Variants in CUL1 observed in about 807,000 individuals in gnomAD.
CUL1 encodes the protein cullin 1, also known as cullin-1.
In CUL1, 24 loss-of-function variants were observed where a neutral mutation model predicts 118.0. The ratio of observed to expected loss-of-function variants is 0.20; its 90% CI spans 0.15 to 0.29. The LOEUF is 0.29. Ranked by LOEUF, CUL1 falls within the 10% of genes least tolerant of loss-of-function variation. The probability of loss-of-function intolerance (pLI) is 1.00; values close to 1 mark genes in which losing one functional copy is unlikely to be tolerated. For synonymous variants in CUL1, 332 were observed against 340.4 expected (o/e 0.98, Z 0.27); for missense variants, 361 against 933.8 (o/e 0.39, Z 7.99).
In CUL1 at chr7:148,732,719, G is replaced by C. The variant is rs150549608; in HGVS notation, c.140+2457G>C. Among the ~76,000 whole-genome samples the C allele has an allele frequency of 5.7e-3, 875 of 152,220 alleles. 8 individuals are homozygous for C. Among genetic ancestry groups the C allele is most frequent in the African/African-American group, 0.02 (834 of 41,546 alleles). On this transcript the variant is annotated intron_variant, in intron 2 of 21. Coordinates refer to ENST00000325222, the MANE Select transcript of CUL1 (RefSeq NM_003592.3). Reference sequence around the variant, plus strand: ...GTTATTTTTGCTCATAAGGCGGTGAGACTTTGTATGCTAGCAGAAGTTACT... The same window carrying C: ...GTTATTTTTGCTCATAAGGCGGTGACACTTTGTATGCTAGCAGAAGTTACT...
chr7:148,800,788 A>G lies in CUL1; in HGVS notation c.*206A>G, dbSNP rs368082292. The G allele has an allele frequency of 2.0e-5, 10 of 503,352 alleles. No homozygotes were observed. In the East Asian group the frequency reaches 2.5e-4, roughly 12 times the overall value. 31.2% of individuals were successfully genotyped at this position (503,352 alleles called of 1,614,324 possible). ...TTCAAGTCTGTAAATACGGACACCA[A>G]CGCCATTTACCCTAATTTAAGAACA... On this transcript the variant is annotated 3_prime_UTR_variant, in exon 22 of 22. Transcript: ENST00000325222. The surrounding 1 kb of genome is among the most constrained non-coding windows in gnomAD (Gnocchi z 4.6).
At chr7:148,771,612 C>A (rs1304167039) in intron 9 of CUL1, among the ~76,000 whole-genome samples, 1 of 152,156 alleles carries the variant, frequency 6.6e-6, no homozygotes, top group Non-Finnish European at 1.5e-5. Flanking sequence ...TGATCAAGGG[C>A]ATTTGTGCTC....
At chr7:148,781,971 G>A (rs1415806484) in intron 9 of CUL1, among the ~76,000 whole-genome samples, 1 of 152,174 alleles carries the variant, frequency 6.6e-6, no homozygotes, top group African/African-American at 2.4e-5. Context: ...TGGCAGTTGT[G>A]ACACGCAGTT....
At chr7:148,777,666 A>G (rs970460528) in intron 9 of CUL1, among the ~76,000 whole-genome samples, 3 of 152,122 alleles carry the variant, frequency 2.0e-5, no homozygotes, top group Non-Finnish European at 4.4e-5. Flanking sequence ...GTGCCCCTGA[A>G]ATCCAGGGGC....
intron 1 of CUL1, among the ~76,000 whole-genome samples, chr7:148,724,078 T>G (rs1798482742): frequency 6.6e-6 from 1 of 152,238 alleles, no homozygotes; most frequent in Non-Finnish European, 1.5e-5. Flanking sequence ...CTGTTGTAAG[T>G]GCTCTTTTTC....
intron 1 of CUL1, among the ~76,000 whole-genome samples, chr7:148,727,720 A>C (rs1486568300): frequency 6.6e-6 from 1 of 152,090 alleles, no homozygotes; most frequent in Non-Finnish European, 1.5e-5. Flanking sequence ...AGGCAGAAGC[A>C]GTAGCAGATG....
At position 148,725,219 on chromosome 7, in the gene CUL1, G is replaced by GCGCGCGCA; in HGVS notation, c.-161-4742_-161-4741insGCGCGCAC. 1.1e-4 allele frequency among the ~76,000 whole-genome samples: 15 copies of GCGCGCGCA among 140,148 alleles called. 1 individual carries two copies. Among genetic ancestry groups the GCGCGCGCA allele is most frequent in the Admixed American group, 5.6e-4 (8 of 14,190 alleles). 91.9% of individuals were successfully genotyped at this position (140,148 alleles called of 152,430 possible). On this transcript the variant is annotated intron_variant, in intron 1 of 21. Transcript: ENST00000325222. ...CGTGTACACACACACACACGCGCGCGCTCACACACACACACACACACACAC... is the reference window on the plus strand; with the variant it reads ...CGTGTACACACACACACACGCGCGCGCGCGCGCACTCACACACACACACACACACACAC...
At position 148,754,130 on chromosome 7, in the gene CUL1, T is replaced by C. The variant is rs1421172004; in HGVS notation, c.295T>C (p.Tyr99His). Residue 99 changes from tyrosine to histidine, a missense_variant, in exon 3 of 22, where the codon TAC (tyrosine) becomes CAC (histidine). Tyr to His is a moderately conservative substitution (Grantham distance 83). Transcript: ENST00000325222. ...ACGACTTAAGGAATTTTTGAAGAAT[T>C]ACTTGACAAATCTTCTTAAGGTAAG... ...YKRLKEFLKN[Y>H]LTNLLKDGED... 2 of 1,607,490 alleles carry C rather than the reference T, an allele frequency of 1.2e-6. No homozygotes were observed. The highest frequency in any genetic ancestry group is 1.7e-6 in the Non-Finnish European group (2 of 1,176,522).
intron 1 of CUL1, among the ~76,000 whole-genome samples, chr7:148,720,436 C>G (rs1485583308): frequency 6.6e-6 from 1 of 152,004 alleles, no homozygotes; most frequent in Non-Finnish European, 1.5e-5. Flanking sequence ...GGAATCAAAG[C>G]TGATGGGAAA....
rs1009184648 is a variant in CUL1, at chr7:148,783,555, A to G, written c.1084-228A>G. ...TAATGCAAGCTCGGAATCAATATTT[A>G]GTTTTGAGTGTGGAGAATAGATTGT... On this transcript the variant is annotated intron_variant, in intron 9 of 21. Coordinates refer to ENST00000325222, the MANE Select transcript of CUL1 (RefSeq NM_003592.3). The G allele has an allele frequency of 2.8e-6, 4 of 1,427,698 alleles. No individual in the cohort carries two copies. The African/African-American group carries it at 5.8e-5, about 21-fold the overall frequency. 88.4% of individuals were successfully genotyped at this position (1,427,698 alleles called of 1,614,324 possible).
intron 2 of CUL1, among the ~76,000 whole-genome samples, chr7:148,730,934 C>T (rs559529419): frequency 1.6e-4 from 24 of 152,294 alleles, no homozygotes; most frequent in African/African-American, 5.1e-4. Flanking sequence ...ATCTCAGCCT[C>T]CCAAGTAGCT....
chr7:148,773,694 T>C (rs1800299799), intron 9 of CUL1, among the ~76,000 whole-genome samples: 2 of 152,166 alleles, frequency 1.3e-5, no homozygotes, highest in African/African-American at 4.8e-5. Flanking sequence ...TTGTGTAAAT[T>C]TGCCTCACTC....
rs1049383408 is a variant in CUL1 at position 148,700,890 on chromosome 7, C to T, written c.-162+1861C>T. On this transcript the variant is annotated intron_variant, in intron 1 of 21. Coordinates refer to ENST00000325222, the MANE Select transcript of CUL1 (RefSeq NM_003592.3). ...CAGGTCCTTATAGCCAGCCCCACCCCCCACTCCTAATGTGTGTACCACATC... is the reference window on the plus strand; with the variant it reads ...CAGGTCCTTATAGCCAGCCCCACCCTCCACTCCTAATGTGTGTACCACATC... Among the ~76,000 whole-genome samples the T allele has an allele frequency of 4.6e-5, 7 of 152,162 alleles. No homozygotes were observed. The South Asian group carries it at 1.4e-3, about 31-fold the overall frequency.
At chr7:148,760,704 C>T (rs760527811) in intron 7 of CUL1, among the ~76,000 whole-genome samples, 49 of 152,148 alleles carry the variant, frequency 3.2e-4, no homozygotes, top group Non-Finnish European at 6.2e-4. Context: ...GTTCTCCTTG[C>T]TGTTCTAAGG....
chr7:148,725,219 G>GCGCGCACACACACACACACACA, intron 1 of CUL1, among the ~76,000 whole-genome samples: 36 of 140,148 alleles, frequency 2.6e-4, no homozygotes, highest in South Asian at 9.7e-4. Flanking sequence ...ACACGCGCGC[G>GCGCGCACACACACACACACACA]CTCACACACA....
chr7:148,757,896 C>G lies in CUL1; in HGVS notation c.483+746C>G, dbSNP rs117807355. Among the ~76,000 whole-genome samples the G allele has an allele frequency of 0.012, 1,852 of 152,282 alleles. 111 individuals are homozygous for G. The East Asian group carries it at 0.17, about 14-fold the overall frequency. On this transcript the variant is annotated intron_variant, in intron 4 of 21. Coordinates refer to ENST00000325222, the MANE Select transcript of CUL1 (RefSeq NM_003592.3). ...GTGAGACTATTCACTACTATGAGAA[C>G]AGTATGGGGGAACCACCCCCATGAT... is the stretch of plus-strand genomic sequence containing the variant.
chr7:148,767,854 C>G, intron 9 of CUL1, 105 bp downstream of exon 9: 2 of 1,112,056 alleles, frequency 1.8e-6, no homozygotes, highest in Non-Finnish European at 2.6e-6. Context: ...GTACCATTTT[C>G]ATTAGAACTC....
chr7:148,746,886 C>G (rs186811621), intron 2 of CUL1, among the ~76,000 whole-genome samples: 5 of 152,162 alleles, frequency 3.3e-5, no homozygotes, highest in Non-Finnish European at 7.3e-5. Flanking sequence ...CCATCTATTC[C>G]ATGACATTGT....
At chr7:148,792,928 A>G in intron 17 of CUL1, 110 bp downstream of exon 17, 12 of 702,184 alleles carry the variant, frequency 1.7e-5, no homozygotes, top group South Asian at 4.0e-5. Context: ...TTTGAAATAG[A>G]TGTTTGCCTC....
Sources: gnomAD v4.1 joint callset for allele counts (sites outside exome capture counted in the v4.1 genomes callset) on GRCh38, gnomAD v4.1.1 for gene constraint, Gnocchi (gnomAD v3.1) non-coding constraint, MANE v1.5 for transcripts, NCBI Gene and HGNC (gene_info 2026-07-23, HGNC 2026-07-21) for gene names.